Variants in CNMD observed in about 807,000 individuals in gnomAD.
CNMD encodes the protein chondromodulin, also known as leukocyte cell-derived chemotaxin 1.
CNMD carries 30 observed loss-of-function variants against 37.5 expected under a neutral mutation model. The ratio of observed to expected loss-of-function variants is 0.80; its 90% CI spans 0.60 to 1.09. CNMD has a LOEUF of 1.09. Ranked by LOEUF, CNMD falls within the 50% of genes least tolerant of loss-of-function variation. The pLI is 0.00. For missense variants in CNMD, 398 were observed against 423.9 expected, an observed-to-expected ratio of 0.94 and a Z score of 0.54; for synonymous variants, 167 against 148.2, an observed-to-expected ratio of 1.13 and a Z score of -0.92.
At chr13:52,728,524 T>C (rs1411122685) in intron 3 of CNMD, among the ~76,000 whole-genome samples, 1 of 152,182 alleles carries the variant, frequency 6.6e-6, no homozygotes, top group Non-Finnish European at 1.5e-5. Context: ...GCCTGAGGAA[T>C]ACACGTGGAG....
intron 6 of CNMD, among the ~76,000 whole-genome samples, chr13:52,704,260 C>G (rs1349543024): frequency 6.6e-6 from 1 of 152,188 alleles, no homozygotes; most frequent in African/African-American, 2.4e-5. Flanking sequence ...TGAAACTCAT[C>G]AATCTAGGCT....
chr13:52,717,142 C>T (rs1030968334), intron 4 of CNMD, among the ~76,000 whole-genome samples: 4 of 151,682 alleles, frequency 2.6e-5, no homozygotes, highest in Admixed American at 2.6e-4. Context: ...ATTTGGCTCT[C>T]TGTCTATTAT....
At chr13:52,715,424 C>T (rs1252451741) in intron 4 of CNMD, among the ~76,000 whole-genome samples, 3 of 152,088 alleles carry the variant, frequency 2.0e-5, no homozygotes, top group African/African-American at 7.2e-5. Flanking sequence ...CATAGGTATA[C>T]ACATGCCATG....
Position 52,739,378 on chromosome 13 carries a change from C to T in CNMD, c.73-207G>A, listed in dbSNP as rs1964844302. 1.5e-6 allele frequency: 1 copy of T among 685,424 alleles called. No individual in the cohort carries two copies. Among genetic ancestry groups the T allele is most frequent in the Admixed American group, 3.2e-5 (1 of 31,662 alleles). 42.5% of individuals were successfully genotyped at this position (685,424 alleles called of 1,614,324 possible). On this transcript the variant is annotated intron_variant, in intron 1 of 6. Transcript: ENST00000377962. The surrounding 1 kb of genome is among the most constrained non-coding windows in gnomAD (Gnocchi z 5.4). ...GCGTGGAAGTGGGATGAGCAAACCCCGCAGCACAGGGCCTTCGCCCCAGGA... is the reference window on the plus strand; with the variant it reads ...GCGTGGAAGTGGGATGAGCAAACCCTGCAGCACAGGGCCTTCGCCCCAGGA...
intron 5 of CNMD, among the ~76,000 whole-genome samples, chr13:52,709,502 T>C (rs758991326): frequency 8.5e-5 from 13 of 152,248 alleles, no homozygotes; most frequent in Non-Finnish European, 1.9e-4. Flanking sequence ...TTAAAAATCC[T>C]ATGGGATAGA....
At chr13:52,719,029 T>C (rs1191650032) in intron 4 of CNMD, among the ~76,000 whole-genome samples, 2 of 152,212 alleles carry the variant, frequency 1.3e-5, no homozygotes, top group Non-Finnish European at 2.9e-5. Context: ...GGTGCATATA[T>C]ATTTAGGATA....
chr13:52,738,304 A>G (rs1964808762), intron 2 of CNMD, among the ~76,000 whole-genome samples: 1 of 152,232 alleles, frequency 6.6e-6, no homozygotes, highest in Non-Finnish European at 1.5e-5. Flanking sequence ...TGCCCAGTCA[A>G]CTTAGAAACA....
In CNMD at chr13:52,733,221, T is replaced by G. The variant is rs1964702955; in HGVS notation, c.352A>C (p.Asn118His). 1 of 1,614,002 alleles carries G rather than the reference T, an allele frequency of 6.2e-7. No individual in the cohort carries two copies. The highest frequency in any genetic ancestry group is 1.7e-5 in the Admixed American group (1 of 60,012). ...CTAAATGCATGAAATATACTTACAT[T>G]CTGGAAATCATTAACTGCAATTGCT... ...EEAIAVNDFQ[N>H]GITGIRFAGG... is the part of the protein sequence containing the mutation. Residue 118 changes from asparagine to histidine, a missense_variant and splice_region_variant, in exon 3 of 7, where the codon AAT becomes CAT. Transcript: ENST00000377962.
chr13:52,723,912 AAAC>A, intron 4 of CNMD, 82 bp downstream of exon 4: 1 of 865,354 alleles, frequency 1.2e-6, no homozygotes, highest in Non-Finnish European at 1.9e-6. Flanking sequence ...ATAAAAATAA[AAAC>A]AAAAAATAAA....
Position 52,716,978 on chromosome 13 carries a change from G to A in CNMD, c.469-4109C>T, listed in dbSNP as rs186497124. Reference sequence around the variant, plus strand: ...CACGACATTGATTCTTCACATCCATGAGCATGGAATGTTTTTCCATGCGTT... The same window carrying A: ...CACGACATTGATTCTTCACATCCATAAGCATGGAATGTTTTTCCATGCGTT... On this transcript the variant is annotated intron_variant, in intron 4 of 6. Coordinates refer to ENST00000377962, the MANE Select transcript of CNMD (RefSeq NM_007015.3). Among the ~76,000 whole-genome samples, 851 of 152,270 alleles carry A rather than the reference G, an allele frequency of 5.6e-3. 6 individuals carry two copies. Among genetic ancestry groups the A allele is most frequent in the Non-Finnish European group, 8.3e-3 (565 of 68,020 alleles).
intron 5 of CNMD, among the ~76,000 whole-genome samples, chr13:52,710,292 A>G (rs1472921916): frequency 6.6e-6 from 1 of 152,236 alleles, no homozygotes; most frequent in African/African-American, 2.4e-5. Flanking sequence ...AACTAACTAA[A>G]TGACCTTAGG....
At chr13:52,706,322 T>C (rs1964172656) in intron 6 of CNMD, among the ~76,000 whole-genome samples, 1 of 152,226 alleles carries the variant, frequency 6.6e-6, no homozygotes, top group Non-Finnish European at 1.5e-5. Context: ...GTAAATCTAC[T>C]TCGATGCAGC....
intron 2 of CNMD, among the ~76,000 whole-genome samples, chr13:52,735,752 G>T (rs982673499): frequency 4.0e-5 from 6 of 150,924 alleles, no homozygotes; most frequent in African/African-American, 1.5e-4. Flanking sequence ...ATTCAAAACC[G>T]CCCTGGGCCG....
chr13:52,733,282 G>A lies in CNMD; in HGVS notation c.291C>T (p.Asn97=), dbSNP rs1206118773. The A allele has an allele frequency of 5.6e-6, 9 of 1,613,878 alleles. No individual in the cohort carries two copies. The highest frequency in any genetic ancestry group is 1.6e-4 in the Middle Eastern group (1 of 6,062). ...DGSMEIDAGN[N]LETFKMGSGA... ...CACTTCCCATTTTAAAGGTCTCCAA[G>A]TTGTTCCCAGCGTCTATTTCCATTG... is the stretch of plus-strand genomic sequence containing the variant. The change falls in exon 3 of 7, where the codon AAC becomes AAT. Residue 97 remains asparagine (N), a synonymous_variant. Transcript: ENST00000377962.
At chr13:52,720,829 C>T (rs1009502671) in intron 4 of CNMD, among the ~76,000 whole-genome samples, 1 of 152,212 alleles carries the variant, frequency 6.6e-6, no homozygotes, top group Admixed American at 6.5e-5. Context: ...AGCTTGAGTG[C>T]TGTGCTGGGA....
chr13:52,715,719 C>T (rs538766937), intron 4 of CNMD, among the ~76,000 whole-genome samples: 287 of 152,256 alleles, frequency 1.9e-3, no homozygotes, highest in African/African-American at 6.6e-3. Context: ...CTATGGTGTA[C>T]ATGTGCCACA....
chr13:52,736,836 C>T (rs1964775724), intron 2 of CNMD, among the ~76,000 whole-genome samples: 1 of 152,154 alleles, frequency 6.6e-6, no homozygotes, highest in Admixed American at 6.5e-5. Flanking sequence ...TCCCTCATCT[C>T]ACAGGGTGGG....
chr13:52,722,487 C>G (rs572061680), intron 4 of CNMD, among the ~76,000 whole-genome samples: 1 of 152,280 alleles, frequency 6.6e-6, no homozygotes, highest in Non-Finnish European at 1.5e-5. Flanking sequence ...ATCTGTCAAC[C>G]ATCAAGTAGA....
chr13:52,713,059 G>A (rs911795844), intron 4 of CNMD, among the ~76,000 whole-genome samples, 190 bp from the exon 5 acceptor site: 3 of 152,084 alleles, frequency 2.0e-5, no homozygotes, highest in African/African-American at 7.2e-5. Flanking sequence ...TATTCAGCAC[G>A]CCTCCTCCTG....
Sources: gnomAD v4.1 joint callset for allele counts (sites outside exome capture counted in the v4.1 genomes callset) on GRCh38, gnomAD v4.1.1 for gene constraint, Gnocchi (gnomAD v3.1) non-coding constraint, MANE v1.5 for transcripts, NCBI Gene and HGNC (gene_info 2026-07-23, HGNC 2026-07-21) for gene names.